CCDC170: variants seen among roughly 807,000 people sequenced by gnomAD.
CCDC170 encodes the protein coiled-coil domain containing 170, also known as coiled-coil domain-containing protein 170.
CCDC170 carries 69 observed loss-of-function variants against 72.6 expected under a neutral mutation model. That is an observed-to-expected ratio of 0.95 (90% CI 0.78 to 1.16). The LOEUF is 1.16. CCDC170 is among the 50% of genes most tolerant of loss of function. The probability of loss-of-function intolerance (pLI) is 0.00; values close to 1 mark genes in which losing one functional copy is unlikely to be tolerated. For synonymous variants in CCDC170, 300 were observed against 303.9 expected, an observed-to-expected ratio of 0.99 and a Z score of 0.13; for missense variants, 852 against 832.5, an observed-to-expected ratio of 1.02 and a Z score of -0.29.
chr6:151,610,496 G>A (rs142922022), intron 9 of CCDC170, among the ~76,000 whole-genome samples: 120 of 152,288 alleles, frequency 7.9e-4, no homozygotes, highest in African/African-American at 2.9e-3. Flanking sequence ...TTTTGCCAAA[G>A]CATGTGAGAG....
At chr6:151,554,351 G>A (rs1369725210) in intron 5 of CCDC170, among the ~76,000 whole-genome samples, 1 of 152,212 alleles carries the variant, frequency 6.6e-6, no homozygotes, top group Non-Finnish European at 1.5e-5. Flanking sequence ...AAATAAAGTG[G>A]TGTTAGAGTC....
intron 1 of CCDC170, among the ~76,000 whole-genome samples, chr6:151,521,565 T>A (rs1782315985): frequency 6.6e-6 from 1 of 152,162 alleles, no homozygotes; most frequent in Admixed American, 6.5e-5. Flanking sequence ...ACAGGATATT[T>A]ACAGTTAAGG....
chr6:151,505,449 C>T (rs753335069), intron 1 of CCDC170, among the ~76,000 whole-genome samples: 1 of 151,684 alleles, frequency 6.6e-6, no homozygotes, highest in Non-Finnish European at 1.5e-5. Flanking sequence ...TTTGGGAGGC[C>T]GAGGTGGGCA....
At chr6:151,500,209 T>A (rs1335248712) in intron 1 of CCDC170, among the ~76,000 whole-genome samples, 1 of 142,634 alleles carries the variant, frequency 7.0e-6, no homozygotes, top group Non-Finnish European at 1.5e-5. Flanking sequence ...TCTTCTGGTT[T>A]GCTCTGTTTT....
intron 5 of CCDC170, among the ~76,000 whole-genome samples, chr6:151,570,979 G>A (rs1294635934): frequency 2.0e-5 from 3 of 152,168 alleles, no homozygotes; most frequent in African/African-American, 7.2e-5. Flanking sequence ...TTACATCTCT[G>A]AAAAGGGCAG....
chr6:151,543,562 A>AT (rs1782725611), intron 3 of CCDC170, among the ~76,000 whole-genome samples: 1 of 152,182 alleles, frequency 6.6e-6, no homozygotes, highest in African/African-American at 2.4e-5. Context: ...ATCTAGCTTT[A>AT]TAACTTTATA....
chr6:151,511,009 T>A (rs1256195811), intron 1 of CCDC170, among the ~76,000 whole-genome samples: 1 of 152,174 alleles, frequency 6.6e-6, no homozygotes, highest in Non-Finnish European at 1.5e-5. Context: ...GTGCTGGGAT[T>A]TCAGGTGTGA....
chr6:151,520,662 C>T lies in CCDC170; in HGVS notation c.58-15656C>T, dbSNP rs546750940. On this transcript the variant is annotated intron_variant, in intron 1 of 10. Coordinates refer to ENST00000239374, the MANE Select transcript of CCDC170 (RefSeq NM_025059.4). ...AGACTCTGACCCTCCCTAAACTGCT[C>T]CTAAGATCCATGCTTGAGACATTTT... Among the ~76,000 whole-genome samples, 24 of 152,288 alleles carry T rather than the reference C, an allele frequency of 1.6e-4. No individual in the cohort carries two copies. The South Asian group carries it at 3.1e-3, about 20-fold the overall frequency.
intron 5 of CCDC170, among the ~76,000 whole-genome samples, chr6:151,552,304 G>A (rs534044036): frequency 7.4e-4 from 51 of 69,224 alleles, no homozygotes; most frequent in Non-Finnish European, 1.0e-3. Context: ...TCTCTTTGGC[G>A]TAAGGGTACA....
intron 5 of CCDC170, among the ~76,000 whole-genome samples, chr6:151,555,595 T>C (rs67445790): frequency 0.16 from 23,800 of 152,152 alleles, 2,290 homozygotes; most frequent in East Asian, 0.46. Context: ...CTTCTAGAAA[T>C]GGGGAACTCA....
rs765605616 is a variant in CCDC170, at chr6:151,538,155, C to T, written c.297C>T (p.Thr99=). The T allele has an allele frequency of 3.7e-6, 6 of 1,613,964 alleles. No individual in the cohort carries two copies. The highest frequency in any genetic ancestry group is 5.1e-6 in the Non-Finnish European group (6 of 1,179,950). The change falls in exon 3 of 11, where the codon ACC becomes ACT. Residue 99 remains threonine, a synonymous_variant. Transcript: ENST00000239374. ...ENNARKSSLL[T]SLRDRVQELE... is the part of the protein sequence containing the mutation. ...ATGCCAGAAAATCATCTCTCCTTAC[C>T]TCTTTGAGAGACAGAGTTCAGGAAC...
intron 7 of CCDC170, 114 bp from the exon 8 acceptor site, chr6:151,592,993 C>T: frequency 2.6e-6 from 3 of 1,141,604 alleles, no homozygotes; most frequent in South Asian, 1.4e-5. Context: ...CCGTTCCATG[C>T]TCTCTGCAAA....
chr6:151,536,254 G>C (rs1782577068), intron 1 of CCDC170, 64 bp from the exon 2 acceptor site: 2 of 1,582,328 alleles, frequency 1.3e-6, no homozygotes, highest in Non-Finnish European at 1.7e-6. Context: ...GCTTTGTGCA[G>C]CTGCACGGAA....
intron 1 of CCDC170, among the ~76,000 whole-genome samples, chr6:151,531,899 C>T (rs1290689326): frequency 2.0e-5 from 3 of 152,124 alleles, no homozygotes; most frequent in Admixed American, 1.3e-4. Flanking sequence ...GGTAACTGCC[C>T]CCCATGATTC....
intron 1 of CCDC170, among the ~76,000 whole-genome samples, chr6:151,500,581 T>C (rs1272720177): frequency 6.6e-6 from 1 of 151,960 alleles, no homozygotes; most frequent in East Asian, 1.9e-4. Flanking sequence ...AGTAAAAGTG[T>C]ATAAAAATGT....
intron 7 of CCDC170, among the ~76,000 whole-genome samples, chr6:151,588,208 G>A (rs1396981413): frequency 6.6e-6 from 1 of 152,172 alleles, no homozygotes. Flanking sequence ...TAGCAGGGGT[G>A]TCCAACCTTT....
intron 5 of CCDC170, among the ~76,000 whole-genome samples, chr6:151,554,351 G>T (rs1369725210): frequency 2.0e-5 from 3 of 152,212 alleles, no homozygotes; most frequent in African/African-American, 7.2e-5. Context: ...AAATAAAGTG[G>T]TGTTAGAGTC....
chr6:151,523,452 G>A (rs1240612133), intron 1 of CCDC170, among the ~76,000 whole-genome samples: 1 of 152,070 alleles, frequency 6.6e-6, no homozygotes, highest in African/African-American at 2.4e-5. Flanking sequence ...TTGGGAGGCT[G>A]AGGTGGGTGG....
chr6:151,617,823 T>C, intron 10 of CCDC170, 124 bp from the exon 11 acceptor site: 1 of 759,168 alleles, frequency 1.3e-6, no homozygotes, highest in Non-Finnish European at 2.1e-6. Context: ...AGGAAGAGAG[T>C]AGATAATTTC....
Sources: allele counts gnomAD v4.1 joint callset (sites outside exome capture counted in the v4.1 genomes callset), GRCh38; gene constraint gnomAD v4.1.1; transcripts MANE v1.5; gene names NCBI Gene and HGNC (gene_info 2026-07-23, HGNC 2026-07-21).